GRID2: variants seen among roughly 807,000 people sequenced by gnomAD.
The protein encoded by GRID2 is glutamate receptor ionotropic, delta-2.
In GRID2, 33 loss-of-function variants were observed where a neutral mutation model predicts 114.8. The ratio of observed to expected loss-of-function variants is 0.29; its 90% CI spans 0.22 to 0.38. GRID2 has a LOEUF of 0.38. Ranked by LOEUF, GRID2 falls within the 10% of genes least tolerant of loss-of-function variation. The pLI, the probability that GRID2 is intolerant of heterozygous loss-of-function variation, is 1.00. For missense variants in GRID2, 1,184 were observed against 1,257.7 expected (o/e 0.94, Z 0.89); for synonymous variants, 505 against 449.9 (o/e 1.12, Z -1.55).
chr4:92,947,784 G>A (rs968047455), intron 2 of GRID2, among the ~76,000 whole-genome samples: 1 of 151,676 alleles, frequency 6.6e-6, no homozygotes, highest in African/African-American at 2.4e-5. Flanking sequence ...ATAAAAGGGT[G>A]CATTAGAATG....
At chr4:92,923,086 A>G (rs944435499) in intron 2 of GRID2, among the ~76,000 whole-genome samples, 2 of 152,124 alleles carry the variant, frequency 1.3e-5, no homozygotes, top group Admixed American at 6.6e-5. Context: ...ATATATCACC[A>G]TTTTCTACCA....
At position 93,769,293 on chromosome 4, in the gene GRID2, C is replaced by T. The variant is rs373749569; in HGVS notation, c.2444C>T (p.Ser815Leu). Residue 815 changes from serine to leucine, a missense_variant, in exon 15 of 16, where the codon TCG becomes TTG. Ser to Leu is a moderately radical substitution (Grantham distance 145). Coordinates refer to ENST00000282020, the MANE Select transcript of GRID2 (RefSeq NM_001510.4). ...WPKNGQCDLY[S>L]SVDTKQKGGA... ...AAGAATGGCCAGTGTGACCTGTACT[C>T]GTCAGTGGACACAAAGCAGAAAGGA... 26 of 1,613,860 alleles carry T rather than the reference C, an allele frequency of 1.6e-5. 1 individual carries two copies. Among genetic ancestry groups the T allele is most frequent in the Middle Eastern group, 1.6e-4 (1 of 6,082 alleles).
chr4:93,649,846 C>T (rs1032521492), intron 14 of GRID2, among the ~76,000 whole-genome samples: 1 of 152,090 alleles, frequency 6.6e-6, no homozygotes, highest in Non-Finnish European at 1.5e-5. Flanking sequence ...AAATCCTAGT[C>T]CATCTCCAAA....
intron 2 of GRID2, among the ~76,000 whole-genome samples, chr4:93,019,583 T>TA (rs1190191207): frequency 2.0e-5 from 3 of 152,054 alleles, no homozygotes; most frequent in African/African-American, 7.2e-5. Context: ...TTAAAAATAA[T>TA]AAAAAAGGGC....
intron 4 of GRID2, among the ~76,000 whole-genome samples, chr4:93,157,057 T>G (rs1257505974): frequency 6.6e-6 from 1 of 151,780 alleles, no homozygotes; most frequent in Non-Finnish European, 1.5e-5. Flanking sequence ...CTGCACTCTA[T>G]TTTTCTTTTA....
chr4:93,073,291 A>G (rs979840341), intron 2 of GRID2, among the ~76,000 whole-genome samples: 1 of 152,228 alleles, frequency 6.6e-6, no homozygotes, highest in African/African-American at 2.4e-5. Flanking sequence ...GGCATTTCAG[A>G]CAGACAATTT....
chr4:92,818,473 C>T (rs948808873), intron 2 of GRID2, among the ~76,000 whole-genome samples: 3 of 152,038 alleles, frequency 2.0e-5, no homozygotes, highest in Admixed American at 1.3e-4. Flanking sequence ...GCATTACCAA[C>T]GAAGGCCCAA....
chr4:93,420,590 A>T (rs762869880), intron 9 of GRID2, among the ~76,000 whole-genome samples: 16 of 152,078 alleles, frequency 1.1e-4, no homozygotes. Flanking sequence ...TATTATTAGA[A>T]ATCTGATTCA....
chr4:93,380,926 G>C (rs1763794560), intron 8 of GRID2, among the ~76,000 whole-genome samples: 1 of 152,082 alleles, frequency 6.6e-6, no homozygotes, highest in African/African-American at 2.4e-5. Context: ...ATTAGGGTAA[G>C]AGGATTGAAG....
At chr4:93,282,878 CAA>C (rs1346910437) in intron 8 of GRID2, among the ~76,000 whole-genome samples, 4 of 151,848 alleles carry the variant, frequency 2.6e-5, no homozygotes, top group Admixed American at 6.6e-5. Flanking sequence ...ATGTCACAAA[CAA>C]GAGGGGAAGC....
At chr4:93,172,364 A>C (rs915411054) in intron 4 of GRID2, among the ~76,000 whole-genome samples, 1 of 152,116 alleles carries the variant, frequency 6.6e-6, no homozygotes, top group Admixed American at 6.5e-5. Context: ...AGGCCCAGGC[A>C]GGCAGATCAC....
chr4:92,674,681 C>T (rs992469791), intron 2 of GRID2, among the ~76,000 whole-genome samples: 4 of 152,040 alleles, frequency 2.6e-5, no homozygotes, highest in African/African-American at 9.7e-5. Flanking sequence ...ACCACCATGC[C>T]CAGCTAATTT....
rs6844972 is a variant in GRID2 at position 93,647,990 on chromosome 4, C to T, written c.2360+21555C>T. On this transcript the variant is annotated intron_variant, in intron 14 of 15. Coordinates refer to ENST00000282020, the MANE Select transcript of GRID2 (RefSeq NM_001510.4). ...TTCATTTTATAGTCAAGGACACTGACACATAGAGTAGCTACTCAAGTTATA... is the reference window on the plus strand; with the variant it reads ...TTCATTTTATAGTCAAGGACACTGATACATAGAGTAGCTACTCAAGTTATA... 3.3e-3 allele frequency among the ~76,000 whole-genome samples: 504 copies of T among 152,226 alleles called. 2 individuals are homozygous for T. The highest frequency in any genetic ancestry group is 0.011 in the African/African-American group (467 of 41,542).
chr4:93,370,467 GCACA>G (rs1289084682), intron 8 of GRID2, among the ~76,000 whole-genome samples: 2 of 136,842 alleles, frequency 1.5e-5, no homozygotes, highest in Non-Finnish European at 3.2e-5. Context: ...ACACAAACAC[GCACA>G]CAGAGACACA....
chr4:92,888,265 A>G (rs2149465979), intron 2 of GRID2, among the ~76,000 whole-genome samples: 1 of 152,346 alleles, frequency 6.6e-6, no homozygotes, highest in East Asian at 1.9e-4. Context: ...TATTAGAAAT[A>G]CAACATCTTA....
At chr4:92,608,278 C>G (rs1390329301) in intron 2 of GRID2, among the ~76,000 whole-genome samples, 2 of 151,672 alleles carry the variant, frequency 1.3e-5, no homozygotes, top group Admixed American at 1.3e-4. Flanking sequence ...CATGATTCAG[C>G]AAGTAAAATT....
chr4:92,619,980 C>T (rs997541257), intron 2 of GRID2, among the ~76,000 whole-genome samples: 3 of 151,402 alleles, frequency 2.0e-5, no homozygotes, highest in Non-Finnish European at 4.4e-5. Flanking sequence ...GTAGGTGCAT[C>T]ATGAATTATA....
In GRID2 at chr4:92,764,774, GCTGTTGA is replaced by G. The variant is rs531940683; in HGVS notation, c.244+174492_244+174498del. Among the ~76,000 whole-genome samples, 430 of 152,208 alleles carry G rather than the reference GCTGTTGA, an allele frequency of 2.8e-3. 3 individuals carry two copies. The highest frequency in any genetic ancestry group is 0.017 in the Middle Eastern group (5 of 294). ...GTGCTAACACAATGCCTGATGCATA[GCTGTTGA>G]CTGGAAATATCTATTGAGTAAATAA... On this transcript the variant is annotated intron_variant, in intron 2 of 15. Coordinates refer to ENST00000282020, the MANE Select transcript of GRID2 (RefSeq NM_001510.4).
At chr4:92,582,717 C>T (rs561196662) in intron 1 of GRID2, among the ~76,000 whole-genome samples, 1 of 151,800 alleles carries the variant, frequency 6.6e-6, no homozygotes, top group African/African-American at 2.4e-5. Flanking sequence ...GATCTCAGCG[C>T]TTTGGGATGC....
Sources: allele counts gnomAD v4.1 joint callset (sites outside exome capture counted in the v4.1 genomes callset), GRCh38; gene constraint gnomAD v4.1.1; transcripts MANE v1.5; gene names NCBI Gene and HGNC (gene_info 2026-07-23, HGNC 2026-07-21).